Variants in DGKA observed in about 807,000 individuals in gnomAD.
DGKA encodes the protein diacylglycerol kinase alpha.
A neutral mutation model predicts 105.0 loss-of-function variants in DGKA; 35 were observed. The observed-to-expected ratio is 0.33, with a 90% CI of 0.25 to 0.44. DGKA has a LOEUF of 0.44. DGKA is among the 20% of genes least tolerant of loss of function. The probability of loss-of-function intolerance (pLI) is 1.00; values close to 1 mark genes in which losing one functional copy is unlikely to be tolerated. For missense variants in DGKA, 665 were observed against 915.0 expected, an observed-to-expected ratio of 0.73 and a Z score of 3.53; for synonymous variants, 296 against 332.0, an observed-to-expected ratio of 0.89 and a Z score of 1.18.
At chr12:55,951,477 C>G (rs1888130274) in intron 17 of DGKA, 146 bp from the exon 18 acceptor site, 1 of 759,882 alleles carries the variant, frequency 1.3e-6, no homozygotes, top group South Asian at 1.8e-5. Flanking sequence ...GAGCTGTGAC[C>G]ATGCACCCTG....
rs182615100 is a variant in DGKA, at chr12:55,933,048, A to G, written c.-82+1704A>G. On this transcript the variant is annotated intron_variant, in intron 1 of 23. Transcript: ENST00000331886. ...GAGCAATGAACGCTTAAGTGAAAAA[A>G]GGAAACTTTAAATACTAACACAGGC... 7.7e-4 allele frequency: 120 copies of G among 156,230 alleles called. 1 individual carries two copies. Among genetic ancestry groups the G allele is most frequent in the African/African-American group, 2.5e-3 (105 of 41,718 alleles). 9.7% of individuals were successfully genotyped at this position (156,230 alleles called of 1,614,324 possible). A position where few individuals can be genotyped will look rare whatever the true frequency, so the allele number is the denominator to read the frequency against.
At chr12:55,927,916 GGGTCA>G, upstream of DGKA, 1 of 920,650 alleles carries the variant, frequency 1.1e-6, no homozygotes, top group Non-Finnish European at 1.6e-6. Context: ...CTGGGCCCTA[GGGTCA>G]GAGGGCAGGG....
intron 17 of DGKA, among the ~76,000 whole-genome samples, chr12:55,949,245 T>C (rs1444410841): frequency 2.6e-5 from 4 of 152,008 alleles, no homozygotes; most frequent in Non-Finnish European, 5.9e-5. Context: ...TCACCCAGGC[T>C]GGAGTACAAT....
Position 55,952,906 on chromosome 12 carries a change from C to T in DGKA, c.1916C>T (p.Pro639Leu). Reference protein sequence around the residue: ...LGATAKVITDPDILKTCVPDL... With the variant: ...LGATAKVITDLDILKTCVPDL... ...GCTACAGCTAAAGTCATCACCGACCCTGATATCCTGAAAACCTGTGTACCA... is the reference window on the plus strand; with the variant it reads ...GCTACAGCTAAAGTCATCACCGACCTTGATATCCTGAAAACCTGTGTACCA... Residue 639 changes from proline to leucine, a missense_variant, in exon 21 of 24, where the codon CCT becomes CTT. Around this residue, in one of 3 missense-constraint regions of DGKA, gnomAD observed 158 missense variants for 213.4 expected, o/e 0.74. Transcript: ENST00000331886. This position sits in a 1 kb window ranked among gnomAD's most constrained non-coding sequence, Gnocchi z 5.1. 6.2e-7 allele frequency: 1 copy of T among 1,614,206 alleles called. No individual in the cohort carries two copies. The highest frequency in any genetic ancestry group is 8.5e-7 in the Non-Finnish European group (1 of 1,180,042).
chr12:55,935,511 G>A (rs1481966301), intron 1 of DGKA: 2 of 152,242 alleles, frequency 1.3e-5, no homozygotes, highest in Non-Finnish European at 2.9e-5. Context: ...TGCTGACCTA[G>A]CGGAGTGGAA....
rs1884715162 is a variant in DGKA at position 55,936,436 on chromosome 12, A to G, written c.-68A>G. On this transcript the variant is annotated 5_prime_UTR_variant, in exon 2 of 24. Coordinates refer to ENST00000331886, the MANE Select transcript of DGKA (RefSeq NM_001345.5). ...ACCTTTCCCCAGGCCTACCCTCTGA[A>G]GAGGTCCAAGCAACGGAAGTACTAC... The G allele has an allele frequency of 6.3e-7, 1 of 1,586,374 alleles. No homozygotes were observed. The highest frequency in any genetic ancestry group is 1.8e-4 in the Middle Eastern group (1 of 5,624).
Position 55,952,164 on chromosome 12 carries a change from G to C in DGKA, c.1652+65G>C. On this transcript the variant is annotated intron_variant, in intron 19 of 23. Coordinates refer to ENST00000331886, the MANE Select transcript of DGKA (RefSeq NM_001345.5). This position sits in a 1 kb window ranked among gnomAD's most constrained non-coding sequence, Gnocchi z 5.1. ...CAGGAGCCAGGTTTTGACCAAGTTT[G>C]ACTCAGATTGCTCAGAAGAACAGTG... is the stretch of plus-strand genomic sequence containing the variant. 1 of 1,602,412 alleles carries C rather than the reference G, an allele frequency of 6.2e-7. No homozygotes were observed. Among genetic ancestry groups the C allele is most frequent in the Admixed American group, 1.7e-5 (1 of 59,944 alleles).
chr12:55,927,752 C>T, upstream of DGKA: 1 of 1,539,638 alleles, frequency 6.5e-7, no homozygotes, highest in South Asian at 1.2e-5. Flanking sequence ...GGGCTGCCGG[C>T]AGCTTCCATG....
At position 55,941,569 on chromosome 12, in the gene DGKA, A is replaced by T. The variant is rs1886003159; in HGVS notation, c.1235A>T (p.Asp412Val). ...CGACAGGTGTTCAACCTCCTAAAGG[A>T]TGGTCCTGAGATAGGGTGAGCACAG... The part of the protein sequence containing the change: ...NPRQVFNLLK[D>V]GPEIGLRLFK... Residue 412 changes from aspartate to valine, a missense_variant, in exon 15 of 24, where the codon GAT becomes GTT. By Grantham distance (152) the Asp-to-Val change is radical. This residue lies in a region of DGKA where 504 missense variants were observed against 681.2 expected (regional missense o/e 0.74). Coordinates refer to ENST00000331886, the MANE Select transcript of DGKA (RefSeq NM_001345.5). The T allele has an allele frequency of 6.2e-7, 1 of 1,614,014 alleles. No individual in the cohort carries two copies. Among genetic ancestry groups the T allele is most frequent in the Non-Finnish European group, 8.5e-7 (1 of 1,180,004 alleles).
intron 18 of DGKA, 45 bp downstream of exon 18, chr12:55,951,828 A>AG: frequency 6.2e-7 from 1 of 1,601,112 alleles, no homozygotes; most frequent in Non-Finnish European, 8.5e-7. Flanking sequence ...GGGGGGGCCA[A>AG]GCAGTCAGAG....
intron 17 of DGKA, 98 bp downstream of exon 17, chr12:55,942,361 T>C (rs539727592): frequency 2.5e-6 from 3 of 1,180,740 alleles, no homozygotes; most frequent in East Asian, 4.8e-5. Flanking sequence ...ATGGAAAGGA[T>C]TGGGGAAGAA....
At chr12:55,936,891 C>T (rs1884863635) in intron 2 of DGKA, 126 bp from the exon 3 acceptor site, 1 of 930,554 alleles carries the variant, frequency 1.1e-6, no homozygotes, top group South Asian at 1.3e-5. Context: ...ATTTTTCCCT[C>T]TGTATTTCTG....
Position 55,953,077 on chromosome 12 carries a change from G to A in DGKA, c.1980G>A (p.Glu660=). The change falls in exon 22 of 24, where the codon GAG becomes GAA. Residue 660 remains glutamate (E), a synonymous_variant. Transcript: ENST00000331886. ...AGAGACTGGAAGTGGTTGGGCTGGA[G>A]GGTGCAATTGAGATGGGCCAAATCT... The part of the protein sequence containing the change: ...SDKRLEVVGL[E]GAIEMGQIYT... 1 of 1,614,158 alleles carries A rather than the reference G, an allele frequency of 6.2e-7. No individual in the cohort carries two copies. Among genetic ancestry groups the A allele is most frequent in the Non-Finnish European group, 8.5e-7 (1 of 1,180,044 alleles).
Position 55,940,165 on chromosome 12 carries a change from A to G in DGKA, c.793A>G (p.Ile265Val). The G allele has an allele frequency of 1.2e-6, 2 of 1,614,212 alleles. No homozygotes were observed. Among genetic ancestry groups the G allele is most frequent in the South Asian group, 2.2e-5 (2 of 91,086 alleles). Residue 265 changes from isoleucine (I) to valine (V), a missense_variant, in exon 10 of 24, where the codon ATT becomes GTT. Around this residue, in one of 3 missense-constraint regions of DGKA, gnomAD observed 504 missense variants for 681.2 expected, o/e 0.74. Coordinates refer to ENST00000331886, the MANE Select transcript of DGKA (RefSeq NM_001345.5). The surrounding 1 kb of genome is among the most constrained non-coding windows in gnomAD (Gnocchi z 4.3). ...CACCTATGCCAAGTCTCGGAAGGAC[A>G]TTGGTGTGAGTGATCTCATGCCTCC... ...VSTYAKSRKD[I>V]GVQSHVWVRG...
intron 1 of DGKA, chr12:55,935,975 G>T (rs1166680421): frequency 2.0e-6 from 2 of 989,076 alleles, no homozygotes; most frequent in East Asian, 2.2e-4. Context: ...GTCACTCAGA[G>T]GGCCGGAACT....
chr12:55,944,247 C>T (rs902708325), intron 17 of DGKA, among the ~76,000 whole-genome samples: 1 of 152,166 alleles, frequency 6.6e-6, no homozygotes, highest in Non-Finnish European at 1.5e-5. Context: ...CTGCAATGAG[C>T]TATGATTGGG....
At chr12:55,927,562 C>A, upstream of DGKA, 3 of 891,554 alleles carry the variant, frequency 3.4e-6, no homozygotes, top group Non-Finnish European at 5.1e-6. Context: ...TCCAGGAACG[C>A]ACTGGGGCGC....
intron 17 of DGKA, 113 bp downstream of exon 17, chr12:55,942,376 G>A: frequency 2.1e-6 from 2 of 966,766 alleles, no homozygotes. Context: ...GAAGAAGAGG[G>A]GCACAGACAG....
chr12:55,939,128 G>A lies in DGKA; in HGVS notation c.475-58G>A. ...GCTGGATATCCTAAGAGGCAGTGGA[G>A]AGGTGTTGGGTCTGAAGACCCACTC... On this transcript the variant is annotated intron_variant, in intron 7 of 23. Transcript: ENST00000331886. 10 of 1,606,216 alleles carry A rather than the reference G, an allele frequency of 6.2e-6. No individual in the cohort carries two copies. In the South Asian group the frequency reaches 1.1e-4, roughly 18 times the overall value.
Sources: allele counts gnomAD v4.1 joint callset (sites outside exome capture counted in the v4.1 genomes callset), GRCh38; gene constraint gnomAD v4.1.1; regional missense constraint gnomAD v4.1.1; non-coding constraint Gnocchi (gnomAD v3.1); transcripts MANE v1.5; gene names NCBI Gene and HGNC (gene_info 2026-07-23, HGNC 2026-07-21).